The following NRG3 variants were observed in gnomAD, a reference collection of about 807,000 sequenced individuals.
The protein encoded by NRG3 is neuregulin 3, also known as pro-neuregulin-3, membrane-bound isoform.
A neutral mutation model predicts 66.9 loss-of-function variants in NRG3; 31 were observed. The ratio of observed to expected loss-of-function variants is 0.46; its 90% CI spans 0.35 to 0.63. The LOEUF (loss-of-function observed/expected upper bound fraction) is 0.63. Among genes scored for constraint, NRG3 ranks in the 20% least tolerant of loss-of-function variants. NRG3 has a pLI of 0.00. For synonymous variants in NRG3, 393 were observed against 359.4 expected (o/e 1.09, Z -1.06); for missense variants, 910 against 878.9 (o/e 1.04, Z -0.45).
At chr10:82,608,880 T>A (rs1389458331) in intron 2 of NRG3, among the ~76,000 whole-genome samples, 1 of 152,086 alleles carries the variant, frequency 6.6e-6, no homozygotes, top group Admixed American at 6.6e-5. Context: ...TTAAAAAAAA[T>A]GTATCACCCC....
chr10:82,345,851 T>G (rs1393927981), intron 1 of NRG3, among the ~76,000 whole-genome samples: 1 of 151,272 alleles, frequency 6.6e-6, no homozygotes, highest in Non-Finnish European at 1.5e-5. Flanking sequence ...TCACTCATGA[T>G]TTGGCTCTCT....
intron 1 of NRG3, among the ~76,000 whole-genome samples, chr10:82,187,283 T>C (rs2073862630): frequency 6.6e-6 from 1 of 152,308 alleles, no homozygotes; most frequent in East Asian, 1.9e-4. Flanking sequence ...CCTAAAGCTT[T>C]GATTTGTTGC....
At chr10:82,372,994 T>C (rs1163829360) in intron 2 of NRG3, among the ~76,000 whole-genome samples, 1 of 152,228 alleles carries the variant, frequency 6.6e-6, no homozygotes, top group Admixed American at 6.5e-5. Flanking sequence ...CTGATCATTG[T>C]TGAATAATGA....
At chr10:82,210,396 T>C (rs954690519) in intron 1 of NRG3, among the ~76,000 whole-genome samples, 4 of 152,156 alleles carry the variant, frequency 2.6e-5, no homozygotes, top group African/African-American at 7.2e-5. Context: ...GACTTGAAAT[T>C]TAAATATAAA....
At position 82,276,067 on chromosome 10, in the gene NRG3, C is replaced by T. The variant is rs118046171; in HGVS notation, c.824-82672C>T. Among the ~76,000 whole-genome samples, 283 of 152,036 alleles carry T rather than the reference C, an allele frequency of 1.9e-3. 7 individuals carry two copies. In the East Asian group the frequency reaches 0.048, roughly 26 times the overall value. The stretch of plus-strand genomic sequence containing the variant: ...TAGGACACAATTTTAAATAAGATTA[C>T]GACCTATTCATTTAATGACAACAAT... On this transcript the variant is annotated intron_variant, in intron 1 of 8. Coordinates refer to ENST00000372141, the MANE Select transcript of NRG3 (RefSeq NM_001010848.4).
At chr10:82,844,801 A>G (rs168200) in intron 3 of NRG3, among the ~76,000 whole-genome samples, 28,011 of 151,994 alleles carry the variant, frequency 0.18, 2,986 homozygotes, top group African/African-American at 0.31. Context: ...TTAAATGAGT[A>G]TTAAAAAAAA....
At chr10:82,942,503 C>T (rs1027903318) in intron 4 of NRG3, among the ~76,000 whole-genome samples, 1 of 152,166 alleles carries the variant, frequency 6.6e-6, no homozygotes, top group East Asian at 1.9e-4. Context: ...TTCTGTGTCT[C>T]CAAGGACAAA....
chr10:82,160,324 C>A (rs1360176175), intron 1 of NRG3, among the ~76,000 whole-genome samples: 1 of 151,786 alleles, frequency 6.6e-6, no homozygotes, highest in African/African-American at 2.4e-5. Context: ...AGTTTTGGGG[C>A]AAAAGTTTTT....
chr10:82,892,411 C>G (rs944485415), intron 4 of NRG3, among the ~76,000 whole-genome samples: 1 of 152,260 alleles, frequency 6.6e-6, no homozygotes, highest in African/African-American at 2.4e-5. Flanking sequence ...CGCCTGTAAT[C>G]CCAACACTTT....
intron 3 of NRG3, among the ~76,000 whole-genome samples, chr10:82,844,804 A>T (rs1360247154): frequency 2.6e-5 from 4 of 151,182 alleles, no homozygotes; most frequent in African/African-American, 4.9e-5. Context: ...AATGAGTATT[A>T]AAAAAAAAGT....
chr10:82,274,290 C>A (rs1405360715), intron 1 of NRG3, among the ~76,000 whole-genome samples: 1 of 151,952 alleles, frequency 6.6e-6, no homozygotes, highest in Non-Finnish European at 1.5e-5. Flanking sequence ...AGTTTTCTTC[C>A]CATGCTCATA....
At chr10:81,974,839 G>A (rs1392459510) in intron 1 of NRG3, among the ~76,000 whole-genome samples, 1 of 152,088 alleles carries the variant, frequency 6.6e-6, no homozygotes, top group African/African-American at 2.4e-5. Context: ...TTACCATGGT[G>A]ACATATATAT....
intron 1 of NRG3, among the ~76,000 whole-genome samples, chr10:82,192,866 C>T (rs1356821073): frequency 6.6e-6 from 1 of 151,812 alleles, no homozygotes; most frequent in Non-Finnish European, 1.5e-5. Flanking sequence ...GTCATAATAT[C>T]TTTTGATTTG....
intron 3 of NRG3, among the ~76,000 whole-genome samples, chr10:82,762,957 A>G (rs1285411992): frequency 2.6e-5 from 4 of 152,204 alleles, no homozygotes; most frequent in African/African-American, 9.6e-5. Flanking sequence ...CTTTAAAATG[A>G]TGCATCCAAA....
chr10:82,931,567 C>T (rs1359795571), intron 4 of NRG3, among the ~76,000 whole-genome samples: 1 of 152,198 alleles, frequency 6.6e-6, no homozygotes, highest in Non-Finnish European at 1.5e-5. Context: ...ACTTCTCCTT[C>T]TAGTTTTCAT....
chr10:82,185,100 G>C (rs1310052293), intron 1 of NRG3, among the ~76,000 whole-genome samples: 1 of 152,028 alleles, frequency 6.6e-6, no homozygotes, highest in East Asian at 1.9e-4. Flanking sequence ...TGCAAGAAGA[G>C]AAAACAAGAG....
In NRG3 at chr10:82,010,303, G is replaced by A. The variant is rs144315605; in HGVS notation, c.823+134140G>A. Among the ~76,000 whole-genome samples the A allele has an allele frequency of 3.4e-3, 513 of 152,290 alleles. 2 individuals are homozygous for A. The highest frequency in any genetic ancestry group is 4.7e-3 in the Non-Finnish European group (321 of 68,024). On this transcript the variant is annotated intron_variant, in intron 1 of 8. Transcript: ENST00000372141. ...AAGCTCATAATGAGTACACTGTGCT[G>A]TTGTAAAAGGGGCCGTCTCTCCCTC... is the stretch of plus-strand genomic sequence containing the variant.
chr10:82,511,281 G>GA (rs1565008320), intron 2 of NRG3, among the ~76,000 whole-genome samples: 1 of 151,826 alleles, frequency 6.6e-6, no homozygotes, highest in Non-Finnish European at 1.5e-5. Flanking sequence ...AGAGAGGAAG[G>GA]AAAAAAAAGA....
chr10:81,890,039 T>C (rs1172355093), intron 1 of NRG3, among the ~76,000 whole-genome samples: 1 of 152,184 alleles, frequency 6.6e-6, no homozygotes, highest in Non-Finnish European at 1.5e-5. Context: ...GGCTGAGTCT[T>C]GTAAAAGTCT....
Sources: gnomAD v4.1 joint callset for allele counts (sites outside exome capture counted in the v4.1 genomes callset) on GRCh38, gnomAD v4.1.1 for gene constraint, MANE v1.5 for transcripts, NCBI Gene and HGNC (gene_info 2026-07-23, HGNC 2026-07-21) for gene names.